SBF2: variants seen among roughly 807,000 people sequenced by gnomAD.
SBF2 encodes the protein myotubularin-related protein 13.
A neutral mutation model predicts 225.2 loss-of-function variants in SBF2; 112 were observed. The ratio of observed to expected loss-of-function variants is 0.50; its 90% CI spans 0.43 to 0.58. SBF2 has a LOEUF of 0.58. SBF2 is among the 20% of genes least tolerant of loss of function. SBF2 has a pLI of 0.00. For missense variants in SBF2, 1,996 were observed against 2,206.2 expected (o/e 0.90, Z 1.91); for synonymous variants, 763 against 773.3 (o/e 0.99, Z 0.22).
chr11:10,300,472 C>T (rs7107727), intron 1 of SBF2, among the ~76,000 whole-genome samples: 12,194 of 151,572 alleles, frequency 0.08, 644 homozygotes, highest in East Asian at 0.27. Context: ...TCAAGACCAG[C>T]GTGGGCAACA....
At chr11:10,206,107 C>A (rs1461009744) in intron 1 of SBF2, among the ~76,000 whole-genome samples, 1 of 151,534 alleles carries the variant, frequency 6.6e-6, no homozygotes, top group Non-Finnish European at 1.5e-5. Context: ...CATCGTGCCA[C>A]ACAAAGTAGC....
chr11:10,186,849 C>A (rs1956949463), intron 2 of SBF2, among the ~76,000 whole-genome samples: 1 of 152,162 alleles, frequency 6.6e-6, no homozygotes, highest in Non-Finnish European at 1.5e-5. Context: ...GTGCCAGAAA[C>A]TGGGGGCAAA....
chr11:10,121,219 A>G (rs1028605253), intron 2 of SBF2, among the ~76,000 whole-genome samples: 22 of 152,254 alleles, frequency 1.4e-4, no homozygotes, highest in Non-Finnish European at 1.9e-4. Context: ...ATCAGCACTC[A>G]GAAGATAATG....
intron 16 of SBF2, chr11:9,959,789 T>C (rs12790527): frequency 1.3e-4 from 83 of 625,250 alleles, no homozygotes; most frequent in South Asian, 1.1e-3. Flanking sequence ...ATGGTCATGG[T>C]GGAAGGTGTT....
chr11:9,884,243 T>C (rs1254758098), intron 17 of SBF2, among the ~76,000 whole-genome samples: 1 of 152,218 alleles, frequency 6.6e-6, no homozygotes, highest in Non-Finnish European at 1.5e-5. Context: ...TATTGAATAC[T>C]GGATCATCAA....
intron 37 of SBF2, 39 bp from the exon 38 acceptor site, chr11:9,784,477 C>CACTT (rs771794491): frequency 1.6e-5 from 24 of 1,466,594 alleles, no homozygotes; most frequent in Middle Eastern, 3.4e-4. Flanking sequence ...TTTTGATTTA[C>CACTT]ACTTACAAAA....
intron 28 of SBF2, chr11:9,828,512 G>A (rs1468811940): frequency 2.0e-6 from 2 of 985,342 alleles, no homozygotes; most frequent in Non-Finnish European, 2.4e-6. Context: ...TTCTGCTTAT[G>A]TTGAGCTAAT....
chr11:9,958,919 G>A lies in SBF2; in HGVS notation c.1860+3038C>T, dbSNP rs147742705. The A allele has an allele frequency of 4.4e-5, 30 of 681,034 alleles. 1 individual carries two copies. In the African/African-American group the frequency reaches 5.0e-4, roughly 11 times the overall value. 42.2% of individuals were successfully genotyped at this position (681,034 alleles called of 1,614,324 possible). On this transcript the variant is annotated intron_variant, in intron 16 of 39. Transcript: ENST00000256190. ...GGCACTATGATGGGCTATAAGAGCAGAAAAGTCGTTGATGTTAGAAGTTTC... is the reference window on the plus strand; with the variant it reads ...GGCACTATGATGGGCTATAAGAGCAAAAAAGTCGTTGATGTTAGAAGTTTC...
chr11:10,129,441 T>A (rs978798629), intron 2 of SBF2, among the ~76,000 whole-genome samples: 2 of 152,142 alleles, frequency 1.3e-5, no homozygotes, highest in African/African-American at 4.8e-5. Context: ...AACAGCTATA[T>A]ATCAAACACA....
At chr11:10,178,329 C>G (rs1464050608) in intron 2 of SBF2, among the ~76,000 whole-genome samples, 1 of 149,544 alleles carries the variant, frequency 6.7e-6, no homozygotes, top group Admixed American at 6.7e-5. Flanking sequence ...CAACAAAAGC[C>G]AAAATTGACA....
At chr11:10,217,769 T>C (rs1958183102) in intron 1 of SBF2, among the ~76,000 whole-genome samples, 1 of 152,154 alleles carries the variant, frequency 6.6e-6, no homozygotes, top group South Asian at 2.1e-4. Context: ...TAGTCTGTTC[T>C]CACCCTGCTA....
chr11:9,779,040 C>T lies in SBF2; in HGVS notation c.*1378G>A, dbSNP rs371433029. The T allele has an allele frequency of 9.8e-5, 15 of 152,634 alleles. No homozygotes were observed. Among genetic ancestry groups the T allele is most frequent in the African/African-American group, 3.1e-4 (13 of 41,454 alleles). 9.5% of individuals were successfully genotyped at this position (152,634 alleles called of 1,614,324 possible). A position where few individuals can be genotyped will look rare whatever the true frequency, so the allele number is the denominator to read the frequency against. On this transcript the variant is annotated 3_prime_UTR_variant, in exon 40 of 40. Coordinates refer to ENST00000256190, the MANE Select transcript of SBF2 (RefSeq NM_030962.4). ...GGAAATGATAGAAAAGTCCTTCATT[C>T]TTAATTATCCCCAGATTTCTTATAT... is the stretch of plus-strand genomic sequence containing the variant.
Position 10,023,547 on chromosome 11 carries a change from G to A in SBF2, c.619+4905C>T, listed in dbSNP as rs80195924. ...TATTTCTCACGGCCCTATCCCTCGA[G>A]CCCCTTATAATCACTAATCTGTTTT... On this transcript the variant is annotated intron_variant, in intron 6 of 39. Coordinates refer to ENST00000256190, the MANE Select transcript of SBF2 (RefSeq NM_030962.4). 3.9e-5 allele frequency among the ~76,000 whole-genome samples: 6 copies of A among 152,188 alleles called. No homozygotes were observed. In the East Asian group the frequency reaches 1.2e-3, roughly 29 times the overall value.
At chr11:10,009,986 G>A (rs1001890622) in intron 6 of SBF2, among the ~76,000 whole-genome samples, 11 of 152,026 alleles carry the variant, frequency 7.2e-5, no homozygotes, top group East Asian at 1.9e-4. Context: ...TTTGATTTGC[G>A]TTTCTCTGAT....
At chr11:9,824,197 G>T (rs936800187) in intron 28 of SBF2, among the ~76,000 whole-genome samples, 3 of 152,140 alleles carry the variant, frequency 2.0e-5, no homozygotes, top group African/African-American at 7.2e-5. Flanking sequence ...CCACTACTGG[G>T]AATTCCCTTG....
intron 30 of SBF2, among the ~76,000 whole-genome samples, chr11:9,809,913 C>A (rs918536438): frequency 6.6e-6 from 1 of 152,022 alleles, no homozygotes; most frequent in African/African-American, 2.4e-5. Flanking sequence ...TGTGGACATA[C>A]CAAAAAGCGT....
intron 17 of SBF2, among the ~76,000 whole-genome samples, chr11:9,889,046 A>G (rs1387743550): frequency 6.6e-6 from 1 of 152,190 alleles, no homozygotes; most frequent in African/African-American, 2.4e-5. Context: ...TACATGAGAA[A>G]CACCAGGCTT....
chr11:9,844,323 A>C (rs1856386304), intron 24 of SBF2, among the ~76,000 whole-genome samples: 2 of 151,914 alleles, frequency 1.3e-5, no homozygotes, highest in Admixed American at 6.6e-5. Context: ...TCCCCAATCT[A>C]CCCTTCTTTC....
At chr11:9,996,678 C>T (rs4472930) in intron 9 of SBF2, among the ~76,000 whole-genome samples, 7,905 of 152,258 alleles carry the variant, frequency 0.052, 298 homozygotes, top group Middle Eastern at 0.17. Context: ...CGTGAGCCAC[C>T]GCACCCTGCC....
Sources: allele counts gnomAD v4.1 joint callset (sites outside exome capture counted in the v4.1 genomes callset), GRCh38; gene constraint gnomAD v4.1.1; transcripts MANE v1.5; gene names NCBI Gene and HGNC (gene_info 2026-07-23, HGNC 2026-07-21).